TRAF3IP2: variants seen among roughly 807,000 people sequenced by gnomAD.
TRAF3IP2 encodes E3 ubiquitin ligase TRAF3IP2.
A neutral mutation model predicts 57.9 loss-of-function variants in TRAF3IP2; 35 were observed. That is an observed-to-expected ratio of 0.60 (90% confidence interval 0.46 to 0.80). The LOEUF is 0.80. TRAF3IP2 is among the 30% of genes least tolerant of loss of function. The pLI, the probability that TRAF3IP2 is intolerant of heterozygous loss-of-function variation, is 0.00. For missense variants in TRAF3IP2, 556 were observed against 706.4 expected, an observed-to-expected ratio of 0.79 and a Z score of 2.41; for synonymous variants, 251 against 268.9, an observed-to-expected ratio of 0.93 and a Z score of 0.65.
chr6:111,583,244 A>G (rs174372), intron 2 of TRAF3IP2, among the ~76,000 whole-genome samples: 112,336 of 152,096 alleles, frequency 0.74, 42,080 homozygotes, highest in Admixed American at 0.81. Flanking sequence ...TTACAAAGCC[A>G]ACTTACAGAA....
intron 1 of TRAF3IP2, chr6:111,602,394 T>TC: frequency 6.6e-6 from 1 of 151,554 alleles, no homozygotes. Context: ...ACATGTGTGA[T>TC]CCCTAATTCA....
chr6:111,604,274 G>A (rs1298075589), intron 1 of TRAF3IP2, among the ~76,000 whole-genome samples: 2 of 152,060 alleles, frequency 1.3e-5, no homozygotes, highest in Non-Finnish European at 2.9e-5. Context: ...CTGTGTATCC[G>A]CCATCTAATA....
chr6:111,564,284 G>C lies in TRAF3IP2; in HGVS notation c.1477-1245C>G, dbSNP rs548026300. On this transcript the variant is annotated intron_variant, in intron 7 of 8. Coordinates refer to ENST00000368761, the MANE Select transcript of TRAF3IP2 (RefSeq NM_147686.4). ...AAGAACATATTTTAAAATGACCCAA[G>C]TACTGTGCAGCTAGAAGCACCCACC... 3.6e-4 allele frequency among the ~76,000 whole-genome samples: 55 copies of C among 152,146 alleles called. 1 individual carries two copies. Among genetic ancestry groups the C allele is most frequent in the African/African-American group, 1.3e-3 (53 of 41,508 alleles).
At chr6:111,563,181 C>T in intron 7 of TRAF3IP2, 142 bp from the exon 8 acceptor site, 1 of 634,516 alleles carries the variant, frequency 1.6e-6, no homozygotes. Flanking sequence ...TAAGGCCTCC[C>T]CATTACACAT....
chr6:111,584,971 C>T (rs1453767556), intron 2 of TRAF3IP2, among the ~76,000 whole-genome samples: 1 of 152,224 alleles, frequency 6.6e-6, no homozygotes, highest in Non-Finnish European at 1.5e-5. Flanking sequence ...TCTCTCCTTG[C>T]TCACTCTGCT....
At chr6:111,577,429 G>T (rs970923484) in intron 3 of TRAF3IP2, among the ~76,000 whole-genome samples, 1 of 152,104 alleles carries the variant, frequency 6.6e-6, no homozygotes, top group Non-Finnish European at 1.5e-5. Flanking sequence ...TTGAGGCAGG[G>T]TCTTGCTCTG....
chr6:111,591,151 C>T lies in TRAF3IP2; in HGVS notation c.829+107G>A. The T allele has an allele frequency of 1.2e-6, 1 of 832,670 alleles. No individual in the cohort carries two copies. The highest frequency in any genetic ancestry group is 4.0e-5 in the South Asian group (1 of 25,226). 51.6% of individuals were successfully genotyped at this position (832,670 alleles called of 1,614,324 possible). A position where few individuals can be genotyped will look rare whatever the true frequency, so the allele number is the denominator to read the frequency against. ...TAAGAGAAGCAGAATGCCCTCCCTG[C>T]ATTCTGACCTGTTCATGCCAGCCTA... On this transcript the variant is annotated intron_variant, in intron 2 of 8. Transcript: ENST00000368761. This position sits in a 1 kb window ranked among gnomAD's most constrained non-coding sequence, Gnocchi z 4.9.
chr6:111,567,624 A>AT lies in TRAF3IP2; in HGVS notation c.1358dup (p.Asp453GlufsTer2). On this transcript the variant is annotated frameshift_variant and splice_region_variant, in exon 6 of 9. Coordinates refer to ENST00000368761, the MANE Select transcript of TRAF3IP2 (RefSeq NM_147686.4). LOFTEE classifies it high-confidence loss of function. ...ACTCTGGTTTTTGGAATGTACTTAC[A>AT]TCCCTAAGGTAGCGCTCCATCCATT... 6.2e-7 allele frequency: 1 copy of AT among 1,607,256 alleles called. No individual in the cohort carries two copies. Among genetic ancestry groups the AT allele is most frequent in the East Asian group, 2.2e-5 (1 of 44,574 alleles).
intron 4 of TRAF3IP2, among the ~76,000 whole-genome samples, chr6:111,575,224 T>TA (rs777373037): frequency 9.3e-5 from 14 of 151,028 alleles, no homozygotes; most frequent in African/African-American, 3.2e-4. Flanking sequence ...GACCCTGTCT[T>TA]AAAAAAAAGG....
intron 3 of TRAF3IP2, among the ~76,000 whole-genome samples, chr6:111,578,794 G>T (rs560013350): frequency 6.6e-6 from 1 of 152,028 alleles, no homozygotes; most frequent in Non-Finnish European, 1.5e-5. Flanking sequence ...ACTAATTACC[G>T]CTTTCTGTAT....
At chr6:111,574,228 G>A (rs559262737) in intron 4 of TRAF3IP2, among the ~76,000 whole-genome samples, 1 of 152,330 alleles carries the variant, frequency 6.6e-6, no homozygotes, top group African/African-American at 2.4e-5. Flanking sequence ...AGCTTTCAGA[G>A]TTGTCAATGA....
intron 1 of TRAF3IP2, among the ~76,000 whole-genome samples, chr6:111,598,907 G>A (rs902198927): frequency 6.6e-6 from 1 of 151,734 alleles, no homozygotes; most frequent in Admixed American, 6.6e-5. Context: ...AGCAGAGGGT[G>A]AGAACATGTG....
chr6:111,604,494 T>C (rs1796963651), intron 1 of TRAF3IP2, among the ~76,000 whole-genome samples: 1 of 152,232 alleles, frequency 6.6e-6, no homozygotes, highest in Admixed American at 6.5e-5. Flanking sequence ...TAGCACAGAC[T>C]ATCCTTCCTG....
Position 111,591,462 on chromosome 6 carries a change from T to A in TRAF3IP2, c.625A>T (p.Ile209Phe), listed in dbSNP as rs997754649. ...GGCAGGGGCCTTTCCAGCTGCCTGA[T>A]GCCCAGGACATCCTGGGGCTGGGAA... ...YDSQPQDVLG[I>F]RQLERPLPLT... The change falls in exon 2 of 9, where the codon ATC becomes TTC. Residue 209 changes from isoleucine (I) to phenylalanine (F), a missense_variant. This residue lies in a region of TRAF3IP2 where 428 missense variants were observed against 498.7 expected (regional missense o/e 0.86). Transcript: ENST00000368761. The surrounding 1 kb of genome is among the most constrained non-coding windows in gnomAD (Gnocchi z 4.9). 3.1e-6 allele frequency: 5 copies of A among 1,596,388 alleles called. No homozygotes were observed. The highest frequency in any genetic ancestry group is 1.7e-5 in the Admixed American group (1 of 58,596).
chr6:111,564,093 G>A (rs1327345118), intron 7 of TRAF3IP2, among the ~76,000 whole-genome samples: 1 of 152,106 alleles, frequency 6.6e-6, no homozygotes, highest in East Asian at 1.9e-4. Flanking sequence ...GAAAGTGACA[G>A]TGGTGATAGC....
intron 5 of TRAF3IP2, 55 bp from the exon 6 acceptor site, chr6:111,567,747 C>G (rs895493091): frequency 6.9e-7 from 1 of 1,452,176 alleles, no homozygotes; most frequent in African/African-American, 1.4e-5. Context: ...TCTCAAGATG[C>G]AGAGCAGAAG....
rs1796495738 is a variant in TRAF3IP2, at chr6:111,591,074, A to G, written c.829+184T>C. ...AAGTGGGACAGGCTTTAGGCTAAGA[A>G]AAAGCATTCTCTGCAGGCCCTTTGC... On this transcript the variant is annotated intron_variant, in intron 2 of 8. Coordinates refer to ENST00000368761, the MANE Select transcript of TRAF3IP2 (RefSeq NM_147686.4). The surrounding 1 kb of genome is among the most constrained non-coding windows in gnomAD (Gnocchi z 4.9). Among the ~76,000 whole-genome samples, 1 of 152,178 alleles carries G rather than the reference A, an allele frequency of 6.6e-6. No homozygotes were observed. Among genetic ancestry groups the G allele is most frequent in the Non-Finnish European group, 1.5e-5 (1 of 68,028 alleles).
chr6:111,572,627 G>A (rs963472607), intron 5 of TRAF3IP2: 12 of 363,174 alleles, frequency 3.3e-5, no homozygotes, highest in Admixed American at 8.2e-5. Flanking sequence ...AGGGGCCGCT[G>A]CATATGTGGT....
chr6:111,591,606 G>C lies in TRAF3IP2; in HGVS notation c.481C>G (p.Gln161Glu), dbSNP rs1289900042. The change falls in exon 2 of 9, where the codon CAA (glutamine) becomes GAA (glutamate). Residue 161 changes from glutamine to glutamate, a missense_variant. This residue lies in a region of TRAF3IP2 where 428 missense variants were observed against 498.7 expected (regional missense o/e 0.86). Coordinates refer to ENST00000368761, the MANE Select transcript of TRAF3IP2 (RefSeq NM_147686.4). The surrounding 1 kb of genome is among the most constrained non-coding windows in gnomAD (Gnocchi z 4.9). Reference protein sequence around the residue: ...DTGHDSDKSDQSLPNASADSL... With the variant: ...DTGHDSDKSDESLPNASADSL... ...TCTGCTGAGGCATTAGGTAAACTTT[G>C]GTCTGATTTGTCTGAGTCATGGCCA... The C allele has an allele frequency of 2.5e-6, 4 of 1,614,106 alleles. No individual in the cohort carries two copies. The African/African-American group carries it at 5.3e-5, about 22-fold the overall frequency.
Sources: allele counts gnomAD v4.1 joint callset (sites outside exome capture counted in the v4.1 genomes callset), GRCh38; gene constraint gnomAD v4.1.1; regional missense constraint gnomAD v4.1.1; non-coding constraint Gnocchi (gnomAD v3.1); transcripts MANE v1.5; gene names NCBI Gene and HGNC (gene_info 2026-07-23, HGNC 2026-07-21).